Variants in IMMP2L observed in about 807,000 individuals in gnomAD.
IMMP2L encodes mitochondrial inner membrane protease subunit 2.
A neutral mutation model predicts 19.3 loss-of-function variants in IMMP2L; 18 were observed. The ratio of observed to expected loss-of-function variants is 0.93; its 90% CI spans 0.64 to 1.38. The LOEUF (loss-of-function observed/expected upper bound fraction) is 1.38, where lower values mean the gene tolerates loss of function less well. Ranked by LOEUF, IMMP2L falls within the 40% of genes most tolerant of loss-of-function variation. The pLI, the probability that IMMP2L is intolerant of heterozygous loss-of-function variation, is 0.00. For missense variants in IMMP2L, 233 were observed against 218.2 expected, an observed-to-expected ratio of 1.07 and a Z score of -0.43; for synonymous variants, 76 against 73.0, an observed-to-expected ratio of 1.04 and a Z score of -0.21.
intron 1 of IMMP2L, among the ~76,000 whole-genome samples, chr7:111,541,372 G>A (rs1432678709): frequency 1.3e-5 from 2 of 152,098 alleles, no homozygotes; most frequent in East Asian, 3.8e-4. Flanking sequence ...AAACACAAGT[G>A]GGTAGTTGGG....
chr7:110,868,100 C>T (rs1808163419), intron 5 of IMMP2L, among the ~76,000 whole-genome samples: 1 of 110,224 alleles, frequency 9.1e-6, no homozygotes, highest in Non-Finnish European at 1.9e-5. Flanking sequence ...ATTCTGAATA[C>T]CAGGTTCTTG....
chr7:111,500,313 C>T (rs560316583), intron 2 of IMMP2L, among the ~76,000 whole-genome samples: 2 of 152,286 alleles, frequency 1.3e-5, no homozygotes, highest in East Asian at 1.9e-4. Flanking sequence ...CCCTGAAGCT[C>T]GAACTACGCG....
chr7:111,514,174 G>C (rs1845684696), intron 2 of IMMP2L, among the ~76,000 whole-genome samples: 1 of 152,072 alleles, frequency 6.6e-6, no homozygotes, highest in East Asian at 1.9e-4. Flanking sequence ...TAAGAGAGTA[G>C]ATCTTAAATG....
intron 3 of IMMP2L, among the ~76,000 whole-genome samples, chr7:111,037,075 G>A (rs1027909042): frequency 1.3e-5 from 2 of 152,042 alleles, no homozygotes; most frequent in African/African-American, 4.8e-5. Context: ...GATCACTCAG[G>A]CTGAAAATGA....
chr7:111,242,581 G>A (rs182302950), intron 3 of IMMP2L, among the ~76,000 whole-genome samples: 4 of 151,994 alleles, frequency 2.6e-5, no homozygotes, highest in East Asian at 3.9e-4. Context: ...TTTTTGCATC[G>A]GCTGTATTTC....
intron 3 of IMMP2L, among the ~76,000 whole-genome samples, chr7:111,340,852 C>T (rs79159191): frequency 1.2e-4 from 18 of 152,146 alleles, no homozygotes; most frequent in East Asian, 1.2e-3. Flanking sequence ...ACTATAAGTA[C>T]GCTTTTGATT....
intron 3 of IMMP2L, among the ~76,000 whole-genome samples, chr7:111,217,334 A>G (rs181836921): frequency 6.6e-6 from 1 of 152,214 alleles, no homozygotes; most frequent in Non-Finnish European, 1.5e-5. Flanking sequence ...GAATAAAGGA[A>G]GACCTGTCCA....
chr7:110,978,925 G>A (rs1001404460), intron 3 of IMMP2L, among the ~76,000 whole-genome samples: 2 of 151,970 alleles, frequency 1.3e-5, no homozygotes, highest in African/African-American at 2.4e-5. Flanking sequence ...TTTGTTTTGT[G>A]TGACTTTTAA....
chr7:111,287,044 A>G (rs1000232139), intron 3 of IMMP2L, among the ~76,000 whole-genome samples: 1 of 152,202 alleles, frequency 6.6e-6, no homozygotes, highest in African/African-American at 2.4e-5. Context: ...GGTTGTTACT[A>G]TGAACCATAA....
chr7:111,546,341 T>C (rs1221851372), intron 1 of IMMP2L, among the ~76,000 whole-genome samples: 2 of 152,130 alleles, frequency 1.3e-5, no homozygotes, highest in Admixed American at 6.5e-5. Flanking sequence ...ACATTGTGTT[T>C]TCAAAATTTG....
At chr7:110,811,074 T>G (rs1374178166) in intron 5 of IMMP2L, among the ~76,000 whole-genome samples, 1 of 152,040 alleles carries the variant, frequency 6.6e-6, no homozygotes, top group Non-Finnish European at 1.5e-5. Flanking sequence ...AGGCTCTGGC[T>G]TCTGATACCA....
intron 3 of IMMP2L, among the ~76,000 whole-genome samples, chr7:111,460,374 TAGAG>T (rs1440668222): frequency 6.6e-6 from 1 of 151,940 alleles, no homozygotes; most frequent in Non-Finnish European, 1.5e-5. Context: ...TAAAAGAAAA[TAGAG>T]GAAGACAAAT....
intron 3 of IMMP2L, among the ~76,000 whole-genome samples, chr7:111,009,470 T>C (rs1585724675): frequency 6.6e-6 from 1 of 152,030 alleles, no homozygotes; most frequent in African/African-American, 2.4e-5. Flanking sequence ...TCACCTATCA[T>C]AGCCCCTCAT....
intron 5 of IMMP2L, among the ~76,000 whole-genome samples, chr7:110,697,642 A>C (rs1382659237): frequency 6.6e-6 from 1 of 152,080 alleles, no homozygotes; most frequent in Non-Finnish European, 1.5e-5. Flanking sequence ...GTCTCTACAA[A>C]AAATTAGCTG....
At chr7:111,415,965 G>C (rs1455307168) in intron 3 of IMMP2L, among the ~76,000 whole-genome samples, 2 of 151,686 alleles carry the variant, frequency 1.3e-5, no homozygotes, top group East Asian at 1.9e-4. Flanking sequence ...TTTCTGAAAA[G>C]AGATTTGCAT....
intron 5 of IMMP2L, among the ~76,000 whole-genome samples, chr7:110,780,514 T>C (rs540525380): frequency 2.0e-5 from 3 of 151,826 alleles, no homozygotes; most frequent in Admixed American, 2.0e-4. Context: ...TTGATTCTAT[T>C]GTTTCAGGCT....
Position 111,562,489 on chromosome 7 carries a change from A to T in IMMP2L, c.-641T>A, listed in dbSNP as rs374612402. The T allele has an allele frequency of 2.0e-5, 3 of 151,504 alleles. No homozygotes were observed. Among genetic ancestry groups the T allele is most frequent in the Non-Finnish European group, 4.4e-5 (3 of 67,870 alleles). The allele number at this position is 151,504 out of a possible 1,614,324, so 9.4% of individuals were successfully genotyped here. A position where few individuals can be genotyped will look rare whatever the true frequency, so the allele number is the denominator to read the frequency against. ...CCGCTGCGCAGCTCAGCCCGGGGGA[A>T]GTCCCCGCGCAGACCCCGCCCTCCG... On this transcript the variant is annotated 5_prime_UTR_variant, in exon 1 of 6. Transcript: ENST00000405709.
At chr7:111,371,632 G>A (rs574247419) in intron 3 of IMMP2L, among the ~76,000 whole-genome samples, 3 of 152,160 alleles carry the variant, frequency 2.0e-5, no homozygotes, top group South Asian at 4.1e-4. Flanking sequence ...CATAGAGACT[G>A]TATGTACAGA....
At chr7:111,337,158 G>A (rs926087606) in intron 3 of IMMP2L, among the ~76,000 whole-genome samples, 3 of 151,940 alleles carry the variant, frequency 2.0e-5, no homozygotes, top group Non-Finnish European at 1.5e-5. Context: ...CTAATGCAAC[G>A]AACATCCACA....
Sources: gnomAD v4.1 joint callset for allele counts (sites outside exome capture counted in the v4.1 genomes callset) on GRCh38, gnomAD v4.1.1 for gene constraint, MANE v1.5 for transcripts, NCBI Gene and HGNC (gene_info 2026-07-23, HGNC 2026-07-21) for gene names.